Variants in ITGA9 observed in about 807,000 individuals in gnomAD.
ITGA9 encodes the protein integrin alpha-9.
Under a neutral mutation model 127.8 loss-of-function variants are expected in ITGA9, and 56 were observed. That is an observed-to-expected ratio of 0.44 (90% CI 0.35 to 0.55). The LOEUF (loss-of-function observed/expected upper bound fraction) is 0.55. Among genes scored for constraint, ITGA9 ranks in the 20% least tolerant of loss-of-function variants. The pLI is 0.00. For synonymous variants in ITGA9, 508 were observed against 514.5 expected (o/e 0.99, Z 0.17); for missense variants, 1,196 against 1,347.1 (o/e 0.89, Z 1.76).
intron 15 of ITGA9, among the ~76,000 whole-genome samples, chr3:37,627,999 C>T (rs1700192679): frequency 1.3e-5 from 2 of 152,146 alleles, no homozygotes; most frequent in Admixed American, 1.3e-4. Flanking sequence ...CGTGTGCCTC[C>T]TGGGGCCTTT....
chr3:37,699,258 C>G (rs1700920313), intron 18 of ITGA9, among the ~76,000 whole-genome samples: 1 of 152,188 alleles, frequency 6.6e-6, no homozygotes, highest in African/African-American at 2.4e-5. Flanking sequence ...GAGCTCACTC[C>G]TGAACTCCAG....
At chr3:37,674,702 C>T (rs893045639) in intron 17 of ITGA9, among the ~76,000 whole-genome samples, 1 of 152,200 alleles carries the variant, frequency 6.6e-6, no homozygotes, top group Admixed American at 6.5e-5. Flanking sequence ...ACTGGTACAG[C>T]TCCCCTGGTG....
At chr3:37,734,971 G>A (rs1696341190) in intron 19 of ITGA9, among the ~76,000 whole-genome samples, 1 of 152,214 alleles carries the variant, frequency 6.6e-6, no homozygotes, top group African/African-American at 2.4e-5. Flanking sequence ...AGCCCAACAA[G>A]TCACCCAGCA....
chr3:37,736,834 A>C, intron 19 of ITGA9, 70 bp from the exon 20 acceptor site: 1 of 989,352 alleles, frequency 1.0e-6, no homozygotes, highest in East Asian at 2.4e-5. Context: ...CATAAACTGC[A>C]GAAGATGGAA....
At chr3:37,637,388 T>G (rs555253792) in intron 16 of ITGA9, among the ~76,000 whole-genome samples, 15 of 152,300 alleles carry the variant, frequency 9.8e-5, no homozygotes, top group Non-Finnish European at 1.6e-4. Context: ...TTATTCTCTT[T>G]GAAGCAATTG....
Position 37,662,231 on chromosome 3 carries a change from G to A in ITGA9, c.1916+8441G>A, listed in dbSNP as rs188783442. Among the ~76,000 whole-genome samples, 134 of 152,048 alleles carry A rather than the reference G, an allele frequency of 8.8e-4. 3 individuals are homozygous for A. The South Asian group carries it at 0.019, about 22-fold the overall frequency. ...AGCCTGGGCAACATGTCAAAACTCC[G>A]TCTCTAAAAAAACATACAAAAATTA... On this transcript the variant is annotated intron_variant, in intron 17 of 27. Coordinates refer to ENST00000264741, the MANE Select transcript of ITGA9 (RefSeq NM_002207.3).
chr3:37,672,486 A>G (rs1700646370), intron 17 of ITGA9, among the ~76,000 whole-genome samples: 1 of 152,222 alleles, frequency 6.6e-6, no homozygotes, highest in Admixed American at 6.5e-5. Context: ...CTGTGAGTCA[A>G]TTAAACCTCT....
At chr3:37,472,557 G>A (rs1241127992) in intron 2 of ITGA9, among the ~76,000 whole-genome samples, 3 of 151,838 alleles carry the variant, frequency 2.0e-5, no homozygotes, top group African/African-American at 7.2e-5. Flanking sequence ...GACCATCTTC[G>A]GCTAATTTTT....
intron 18 of ITGA9, among the ~76,000 whole-genome samples, chr3:37,723,347 A>AATT (rs920225027): frequency 3.1e-4 from 47 of 151,326 alleles, no homozygotes; most frequent in African/African-American, 1.1e-3. Context: ...CTACTTTTGT[A>AATT]ATTATTATTA....
At chr3:37,617,588 T>C (rs1237235021) in intron 15 of ITGA9, among the ~76,000 whole-genome samples, 1 of 152,238 alleles carries the variant, frequency 6.6e-6, no homozygotes, top group Non-Finnish European at 1.5e-5. Flanking sequence ...TCCCCGTCAC[T>C]TTCAGGTACA....
intron 13 of ITGA9, 52 bp from the exon 14 acceptor site, chr3:37,533,262 C>G (rs1318917850): frequency 6.1e-5 from 96 of 1,568,354 alleles, no homozygotes; most frequent in Non-Finnish European, 8.2e-5. Context: ...TTGTTTGGTT[C>G]TGAGAGCTGC....
At chr3:37,542,031 A>C (rs1389433498) in intron 14 of ITGA9, among the ~76,000 whole-genome samples, 1 of 152,202 alleles carries the variant, frequency 6.6e-6, no homozygotes, top group Non-Finnish European at 1.5e-5. Context: ...AAGCCTTGAT[A>C]ATTTCAGCAG....
At chr3:37,698,999 T>C (rs1380116167) in intron 18 of ITGA9, among the ~76,000 whole-genome samples, 1 of 152,214 alleles carries the variant, frequency 6.6e-6, no homozygotes, top group Admixed American at 6.5e-5. Context: ...TCCCTTCTTC[T>C]GGGGATACTT....
At chr3:37,656,509 A>G (rs1700479005) in intron 17 of ITGA9, among the ~76,000 whole-genome samples, 1 of 152,284 alleles carries the variant, frequency 6.6e-6, no homozygotes, top group Admixed American at 6.5e-5. Context: ...TTTTTGGTGT[A>G]CAGGAATGCT....
In ITGA9 at chr3:37,452,813, C is replaced by G. The variant is rs1698210529; in HGVS notation, c.185+254C>G. 6.6e-6 allele frequency among the ~76,000 whole-genome samples: 1 copy of G among 152,138 alleles called. No individual in the cohort carries two copies. The highest frequency in any genetic ancestry group is 2.1e-4 in the South Asian group (1 of 4,830). Reference sequence around the variant, plus strand: ...CGGGTGCCTCCCTGGGGTCCCAGCCCAGAGCGTGGGGGGAGAGCCGCTAGA... The same window carrying G: ...CGGGTGCCTCCCTGGGGTCCCAGCCGAGAGCGTGGGGGGAGAGCCGCTAGA... On this transcript the variant is annotated intron_variant, in intron 1 of 27. Transcript: ENST00000264741. This position sits in a 1 kb window ranked among gnomAD's most constrained non-coding sequence, Gnocchi z 7.3.
chr3:37,778,617 C>CA (rs1263847294), intron 24 of ITGA9, among the ~76,000 whole-genome samples: 5,078 of 125,064 alleles, frequency 0.041, 95 homozygotes, highest in Non-Finnish European at 0.054. Context: ...GACTCTGTCT[C>CA]AAAAAAAAAA....
At chr3:37,615,667 A>C (rs1248198333) in intron 15 of ITGA9, among the ~76,000 whole-genome samples, 1 of 152,164 alleles carries the variant, frequency 6.6e-6, no homozygotes, top group Admixed American at 6.5e-5. Context: ...CTATTCAGAG[A>C]TTCAACTTCT....
chr3:37,647,839 A>G (rs991625249), intron 16 of ITGA9, among the ~76,000 whole-genome samples: 1 of 146,318 alleles, frequency 6.8e-6, no homozygotes, highest in African/African-American at 2.5e-5. Flanking sequence ...ATTCCATTGT[A>G]TGTTTATATA....
intron 1 of ITGA9, among the ~76,000 whole-genome samples, chr3:37,458,923 T>A (rs1698287936): frequency 6.6e-6 from 1 of 152,246 alleles, no homozygotes; most frequent in African/African-American, 2.4e-5. Context: ...TTCTCTGAAC[T>A]GCAAATCCTT....
Sources: gnomAD v4.1 joint callset for allele counts (sites outside exome capture counted in the v4.1 genomes callset) on GRCh38, gnomAD v4.1.1 for gene constraint, Gnocchi (gnomAD v3.1) non-coding constraint, MANE v1.5 for transcripts, NCBI Gene and HGNC (gene_info 2026-07-23, HGNC 2026-07-21) for gene names.